The following GRID2 variants were observed in gnomAD, a reference collection of about 807,000 sequenced individuals.
GRID2 encodes the protein glutamate ionotropic receptor delta type subunit 2.
GRID2 carries 33 observed loss-of-function variants against 114.8 expected under a neutral mutation model. The observed-to-expected ratio is 0.29, with a 90% confidence interval of 0.22 to 0.38. The LOEUF (loss-of-function observed/expected upper bound fraction) is 0.38, where lower values mean the gene tolerates loss of function less well. Ranked by LOEUF, GRID2 falls within the 10% of genes least tolerant of loss-of-function variation. The probability of loss-of-function intolerance (pLI) is 1.00; values close to 1 mark genes in which losing one functional copy is unlikely to be tolerated. For synonymous variants in GRID2, 505 were observed against 449.9 expected (o/e 1.12, Z -1.55); for missense variants, 1,184 against 1,257.7 (o/e 0.94, Z 0.89).
At chr4:93,394,068 T>C (rs1189880143) in intron 8 of GRID2, among the ~76,000 whole-genome samples, 1 of 151,956 alleles carries the variant, frequency 6.6e-6, no homozygotes, top group Non-Finnish European at 1.5e-5. Flanking sequence ...TAAAATCCTC[T>C]TGAGGAAGTA....
chr4:92,653,414 T>A (rs892589045), intron 2 of GRID2, among the ~76,000 whole-genome samples: 4 of 151,684 alleles, frequency 2.6e-5, no homozygotes, highest in Non-Finnish European at 5.9e-5. Context: ...AACATTCACT[T>A]ATCTTTTTTC....
chr4:93,340,916 A>T (rs1002092407), intron 8 of GRID2, among the ~76,000 whole-genome samples: 7 of 152,010 alleles, frequency 4.6e-5, no homozygotes, highest in Non-Finnish European at 7.4e-5. Context: ...TTTTACTTGT[A>T]CCCTTCTTTA....
At chr4:93,441,302 A>G (rs1359823827) in intron 10 of GRID2, among the ~76,000 whole-genome samples, 1 of 152,074 alleles carries the variant, frequency 6.6e-6, no homozygotes, top group Non-Finnish European at 1.5e-5. Flanking sequence ...TCTATGTTCT[A>G]TGGGCATAAT....
intron 2 of GRID2, among the ~76,000 whole-genome samples, chr4:93,068,748 G>A (rs890211623): frequency 6.6e-6 from 1 of 151,766 alleles, no homozygotes; most frequent in Non-Finnish European, 1.5e-5. Context: ...TCTATTCTGC[G>A]GGGAGGTGTG....
chr4:93,107,562 G>T (rs1175280540), intron 3 of GRID2, among the ~76,000 whole-genome samples: 1 of 151,424 alleles, frequency 6.6e-6, no homozygotes, highest in East Asian at 1.9e-4. Context: ...TTTTTGAGGG[G>T]GCATCTCACT....
chr4:93,425,085 A>T (rs1768708718), intron 10 of GRID2, among the ~76,000 whole-genome samples: 1 of 152,054 alleles, frequency 6.6e-6, no homozygotes, highest in East Asian at 1.9e-4. Flanking sequence ...TTAAAAGTTC[A>T]TGATCACATT....
At chr4:92,372,220 T>C (rs139329890) in intron 1 of GRID2, among the ~76,000 whole-genome samples, 176 of 152,274 alleles carry the variant, frequency 1.2e-3, no homozygotes, top group Non-Finnish European at 2.0e-3. Flanking sequence ...ATTAACCTAA[T>C]TGATAAAGCT....
At position 93,525,388 on chromosome 4, in the gene GRID2, G is replaced by A. The variant is rs188921363; in HGVS notation, c.2193+9977G>A. On this transcript the variant is annotated intron_variant, in intron 13 of 15. Transcript: ENST00000282020. The stretch of plus-strand genomic sequence containing the variant: ...AATTCCAGTTAGAAGAGAAGGTGCT[G>A]CAATAAAGTGGTGGGGGAGGAAGGT... Among the ~76,000 whole-genome samples the A allele has an allele frequency of 3.6e-4, 55 of 152,262 alleles. 1 individual carries two copies. The highest frequency in any genetic ancestry group is 1.2e-3 in the African/African-American group (48 of 41,570).
chr4:92,825,537 A>C (rs1475492739), intron 2 of GRID2, among the ~76,000 whole-genome samples: 1 of 152,142 alleles, frequency 6.6e-6, no homozygotes, highest in African/African-American at 2.4e-5. Flanking sequence ...TGTTTGCTCT[A>C]ACATCTCATA....
chr4:92,506,849 G>A (rs905308835), intron 1 of GRID2, among the ~76,000 whole-genome samples: 1 of 151,744 alleles, frequency 6.6e-6, no homozygotes, highest in African/African-American at 2.4e-5. Context: ...CAAAAAGGTA[G>A]CAATTGGCGT....
chr4:93,567,988 T>C (rs1417094302), intron 13 of GRID2, among the ~76,000 whole-genome samples: 2 of 152,192 alleles, frequency 1.3e-5, no homozygotes, highest in Non-Finnish European at 2.9e-5. Context: ...ACTTATGAAA[T>C]CCTTTATTTA....
rs1212947438 is a variant in GRID2 at position 92,336,953 on chromosome 4, TG to T, written c.88+32210del. Among the ~76,000 whole-genome samples, 666 of 98,886 alleles carry T rather than the reference TG, an allele frequency of 6.7e-3. 10 individuals carry two copies. The highest frequency in any genetic ancestry group is 0.028 in the African/African-American group (636 of 23,084). The allele number at this position is 98,886 out of a possible 152,430, so 64.9% of individuals were successfully genotyped here. On this transcript the variant is annotated intron_variant, in intron 1 of 15. Transcript: ENST00000282020. The stretch of plus-strand genomic sequence containing the variant: ...CGGACCAAGTCAGGTCTTTCGTTGT[TG>T]TTTTTTTTTTTTTTTTTTTTTCATG...
downstream of GRID2, chr4:93,810,252 A>C (rs1466776357): frequency 6.6e-6 from 1 of 152,174 alleles, no homozygotes; most frequent in African/African-American, 2.4e-5. Flanking sequence ...AGCCAGCCCC[A>C]AGCAGAAAAC....
At chr4:92,790,261 A>G (rs1297596038) in intron 2 of GRID2, among the ~76,000 whole-genome samples, 1 of 151,650 alleles carries the variant, frequency 6.6e-6, no homozygotes, top group East Asian at 2.0e-4. Flanking sequence ...TTTGGATTCC[A>G]TCACCTCTAA....
At chr4:93,288,982 A>C (rs1216711308) in intron 8 of GRID2, among the ~76,000 whole-genome samples, 1 of 152,228 alleles carries the variant, frequency 6.6e-6, no homozygotes, top group Non-Finnish European at 1.5e-5. Flanking sequence ...AGACAGGTAT[A>C]GTATTTGTTT....
At chr4:92,805,222 T>G (rs1206962162) in intron 2 of GRID2, among the ~76,000 whole-genome samples, 1 of 151,996 alleles carries the variant, frequency 6.6e-6, no homozygotes, top group Non-Finnish European at 1.5e-5. Context: ...AATTTCTGTG[T>G]GATTTTTTTG....
At chr4:93,240,114 C>G (rs947730999) in intron 8 of GRID2, among the ~76,000 whole-genome samples, 2 of 151,570 alleles carry the variant, frequency 1.3e-5, no homozygotes, top group African/African-American at 2.4e-5. Flanking sequence ...ATCTTGGATA[C>G]TTTTATGCTT....
chr4:92,540,574 A>C (rs888755089), intron 1 of GRID2, among the ~76,000 whole-genome samples: 1 of 152,224 alleles, frequency 6.6e-6, no homozygotes, highest in Non-Finnish European at 1.5e-5. Context: ...AGAGAAATGC[A>C]AATCAAAACC....
chr4:93,066,827 C>T (rs981697424), intron 2 of GRID2, among the ~76,000 whole-genome samples: 9 of 151,778 alleles, frequency 5.9e-5, no homozygotes, highest in East Asian at 1.9e-4. Flanking sequence ...GCCACTATGA[C>T]GTAAAATAAG....
Sources: allele counts gnomAD v4.1 joint callset (sites outside exome capture counted in the v4.1 genomes callset), GRCh38; gene constraint gnomAD v4.1.1; transcripts MANE v1.5; gene names NCBI Gene and HGNC (gene_info 2026-07-23, HGNC 2026-07-21).